Variants in ODAD4 observed in about 807,000 individuals in gnomAD.
ODAD4 encodes the protein outer dynein arm docking complex subunit 4, also known as outer dynein arm-docking complex subunit 4.
ODAD4 carries 49 observed loss-of-function variants against 51.8 expected under a neutral mutation model. The ratio of observed to expected loss-of-function variants is 0.95; its 90% CI spans 0.75 to 1.20. The LOEUF (loss-of-function observed/expected upper bound fraction) is 1.20. ODAD4 is among the 50% of genes most tolerant of loss of function. ODAD4 has a pLI of 0.00. For synonymous variants in ODAD4, 235 were observed against 221.3 expected, an observed-to-expected ratio of 1.06 and a Z score of -0.55; for missense variants, 590 against 586.5, an observed-to-expected ratio of 1.01 and a Z score of -0.06.
intron 7 of ODAD4, among the ~76,000 whole-genome samples, chr17:41,944,435 CACACACA>C (rs1351478452): frequency 0.016 from 73 of 4,452 alleles, 1 homozygote; most frequent in Middle Eastern, 0.071. Context: ...CACACACACA[CACACACA>C]CACCCCCCCG....
chr17:41,958,299 T>C (rs1300352027), intron 10 of ODAD4, among the ~76,000 whole-genome samples: 1 of 152,134 alleles, frequency 6.6e-6, no homozygotes, highest in African/African-American at 2.4e-5. Flanking sequence ...AAGTCCACGT[T>C]GTGCACTTGT....
rs1555637835 is a variant in ODAD4, at chr17:41,936,546, G to A, written c.459+12G>A. 15 of 1,610,410 alleles carry A rather than the reference G, an allele frequency of 9.3e-6. No individual in the cohort carries two copies. Among genetic ancestry groups the A allele is most frequent in the East Asian group, 4.5e-5 (2 of 44,868 alleles). On this transcript the variant is annotated intron_variant, in intron 4 of 11. Coordinates refer to ENST00000377540, the MANE Select transcript of ODAD4 (RefSeq NM_031421.5). ...GCAAGCAGGCTGAGGTAAGGGCCCT[G>A]GTTCTGTGGTTGTATCCCTCCAAGG... is the stretch of plus-strand genomic sequence containing the variant.
At chr17:41,948,321 C>CT (rs1259244820) in intron 8 of ODAD4, among the ~76,000 whole-genome samples, 118,015 of 139,266 alleles carry the variant, frequency 0.85, 50,770 homozygotes, top group East Asian at 0.99. Flanking sequence ...TCTTTCTTTC[C>CT]TTTTTTTTTT....
At chr17:41,952,584 G>GAAAA in intron 9 of ODAD4, 1 of 214,224 alleles carries the variant, frequency 4.7e-6, no homozygotes, top group Non-Finnish European at 9.3e-6. Flanking sequence ...AAGAATGAAA[G>GAAAA]AATAATCCTG....
chr17:41,950,656 G>A (rs2050640244), intron 9 of ODAD4, among the ~76,000 whole-genome samples: 1 of 151,858 alleles, frequency 6.6e-6, no homozygotes, highest in African/African-American at 2.4e-5. Context: ...GATTACAGGT[G>A]TGAGCCACTG....
chr17:41,957,268 C>T (rs1427497709), intron 10 of ODAD4, among the ~76,000 whole-genome samples: 3 of 152,128 alleles, frequency 2.0e-5, no homozygotes, highest in Non-Finnish European at 2.9e-5. Flanking sequence ...GACAGTTTTT[C>T]CATGGACCGG....
Position 41,930,881 on chromosome 17 carries a change from C to CTTTTTTTTTT in ODAD4, c.114+64_114+73dup, listed in dbSNP as rs782820445. The CTTTTTTTTTT allele has an allele frequency of 1.5e-3, 146 of 97,228 alleles. 11 individuals are homozygous for CTTTTTTTTTT. The highest frequency in any genetic ancestry group is 3.4e-3 in the South Asian group (47 of 13,788). 6.0% of individuals were successfully genotyped at this position (97,228 alleles called of 1,614,324 possible). ...CTATCCATCACCCCATCACCCGTCA[C>CTTTTTTTTTT]TTTTTTTTTTTTTTTTTTTTTTTTT... On this transcript the variant is annotated intron_variant, in intron 1 of 11. Transcript: ENST00000377540.
intron 7 of ODAD4, 131 bp from the exon 8 acceptor site, chr17:41,945,005 G>T: frequency 1.5e-6 from 1 of 679,642 alleles, no homozygotes. Flanking sequence ...TTGCTGGGCT[G>T]GACATTGTCC....
Position 41,938,526 on chromosome 17 carries a change from C to G in ODAD4, c.626-31C>G, listed in dbSNP as rs559801424. Reference sequence around the variant, plus strand: ...GCAAATCCCTTAGAGGCCTGTTCTCCTTGGCGCCTCCTCACACCCCTTCCC... The same window carrying G: ...GCAAATCCCTTAGAGGCCTGTTCTCGTTGGCGCCTCCTCACACCCCTTCCC... On this transcript the variant is annotated intron_variant, in intron 5 of 11. Coordinates refer to ENST00000377540, the MANE Select transcript of ODAD4 (RefSeq NM_031421.5). 3.1e-6 allele frequency: 5 copies of G among 1,593,366 alleles called. No individual in the cohort carries two copies. The South Asian group carries it at 5.5e-5, about 18-fold the overall frequency.
intron 7 of ODAD4, among the ~76,000 whole-genome samples, chr17:41,940,152 G>A (rs1471325847): frequency 1.3e-5 from 2 of 152,058 alleles, no homozygotes; most frequent in Admixed American, 6.5e-5. Context: ...TCACCAGTCT[G>A]AGCCTCCTTG....
chr17:41,935,749 A>T lies in ODAD4; in HGVS notation c.397A>T (p.Ser133Cys). 6.2e-7 allele frequency: 1 copy of T among 1,613,922 alleles called. No homozygotes were observed. The highest frequency in any genetic ancestry group is 1.7e-5 in the Admixed American group (1 of 60,014). ...AQEAINNSVG[S>C]PSSIKLENKG... is the part of the protein sequence containing the mutation. ...GGAAGCCATCAACAACTCAGTGGGA[A>T]GTGAGTGACCACAGGGCCTATGCCC... Residue 133 changes from serine to cysteine, a missense_variant and splice_region_variant, in exon 3 of 12, where the codon AGT becomes TGT. By Grantham distance (112) the Ser-to-Cys change is moderately radical. Coordinates refer to ENST00000377540, the MANE Select transcript of ODAD4 (RefSeq NM_031421.5).
Position 41,955,276 on chromosome 17 carries a change from A to G in ODAD4, c.1402A>G (p.Lys468Glu). 1.3e-6 allele frequency: 1 copy of G among 780,104 alleles called. No homozygotes were observed. Among genetic ancestry groups the G allele is most frequent in the South Asian group, 1.3e-5 (1 of 74,424 alleles). The allele number at this position is 780,104 out of a possible 1,614,324, so 48.3% of individuals were successfully genotyped here. ...TTTTGAGAAGGCCCTGGAGAGAGCA[A>G]AGCTTGTGCATAACAACGAGGCGCA... ...NNFEKALERA[K>E]LVHNNEAQQA... Residue 468 changes from lysine (K) to glutamate (E), a missense_variant, in exon 10 of 12, where the codon AAG (lysine) becomes GAG (glutamate). By Grantham distance (56) the Lys-to-Glu change is moderately conservative (BLOSUM62 1). This residue lies in a region of ODAD4 where 226 missense variants were observed against 162.7 expected (regional missense o/e 1.39). Coordinates refer to ENST00000377540, the MANE Select transcript of ODAD4 (RefSeq NM_031421.5).
chr17:41,947,390 C>A (rs1009029364), intron 8 of ODAD4, among the ~76,000 whole-genome samples: 2 of 151,660 alleles, frequency 1.3e-5, no homozygotes, highest in African/African-American at 4.8e-5. Context: ...GAGGCTGAGG[C>A]AGGAGAATTG....
At chr17:41,953,635 CT>C (rs1422437917) in intron 9 of ODAD4, among the ~76,000 whole-genome samples, 2 of 151,306 alleles carry the variant, frequency 1.3e-5, no homozygotes, top group African/African-American at 4.9e-5. Context: ...TGGTGAGACC[CT>C]GTCTCTATTA....
chr17:41,960,396 T>C (rs959412466), intron 10 of ODAD4, among the ~76,000 whole-genome samples: 2 of 152,100 alleles, frequency 1.3e-5, no homozygotes, highest in Admixed American at 6.5e-5. Context: ...TGCAGTGAGC[T>C]GAGATCGTGC....
intron 11 of ODAD4, among the ~76,000 whole-genome samples, chr17:41,964,423 G>A (rs920503015): frequency 1.3e-5 from 2 of 152,226 alleles, no homozygotes; most frequent in Middle Eastern, 3.4e-3. Context: ...ACGGCAGTGC[G>A]CATTTTCATG....
Position 41,965,738 on chromosome 17 carries a change from G to A in ODAD4, c.*255G>A. On this transcript the variant is annotated 3_prime_UTR_variant, in exon 12 of 12. Coordinates refer to ENST00000377540, the MANE Select transcript of ODAD4 (RefSeq NM_031421.5). ...AATGAGAAAGGTGCCAAGAAGAAAG[G>A]GTTTCAGGAGGGTGAAGATACGGGC... 1 of 344,010 alleles carries A rather than the reference G, an allele frequency of 2.9e-6. No individual in the cohort carries two copies. The highest frequency in any genetic ancestry group is 5.2e-6 in the Non-Finnish European group (1 of 194,120). The allele number at this position is 344,010 out of a possible 1,614,324, so 21.3% of individuals were successfully genotyped here.
rs10578034 is a variant in ODAD4 at position 41,944,444 on chromosome 17, ACCC to A, written c.1059-687_1059-685del. On this transcript the variant is annotated intron_variant, in intron 7 of 11. Coordinates refer to ENST00000377540, the MANE Select transcript of ODAD4 (RefSeq NM_031421.5). ...CACACACACACACACACACACACAC[ACCC>A]CCCCGCATACACAGAAATTGCCTTT... is the stretch of plus-strand genomic sequence containing the variant. Among the ~76,000 whole-genome samples the A allele has an allele frequency of 9.2e-4, 18 of 19,540 alleles. 1 individual carries two copies. Among genetic ancestry groups the A allele is most frequent in the African/African-American group, 1.6e-3 (12 of 7,334 alleles). The allele number at this position is 19,540 out of a possible 152,430, so 12.8% of individuals were successfully genotyped here.
In ODAD4 at chr17:41,944,444, A is replaced by ACACACACACC. The variant is rs1191101800; in HGVS notation, c.1059-691_1059-690insACACACACCC. On this transcript the variant is annotated intron_variant, in intron 7 of 11. Coordinates refer to ENST00000377540, the MANE Select transcript of ODAD4 (RefSeq NM_031421.5). Reference sequence around the variant, plus strand: ...CACACACACACACACACACACACACACCCCCCCGCATACACAGAAATTGCC... The same window carrying ACACACACACC: ...CACACACACACACACACACACACACACACACACACCCCCCCCCGCATACACAGAAATTGCC... Among the ~76,000 whole-genome samples the ACACACACACC allele has an allele frequency of 8.0e-3, 155 of 19,486 alleles. 3 individuals are homozygous for ACACACACACC. Among genetic ancestry groups the ACACACACACC allele is most frequent in the Non-Finnish European group, 0.013 (108 of 8,194 alleles). 12.8% of individuals were successfully genotyped at this position (19,486 alleles called of 152,430 possible). A position where few individuals can be genotyped will look rare whatever the true frequency, so the allele number is the denominator to read the frequency against.
Sources: allele counts gnomAD v4.1 joint callset (sites outside exome capture counted in the v4.1 genomes callset), GRCh38; gene constraint gnomAD v4.1.1; regional missense constraint gnomAD v4.1.1; transcripts MANE v1.5; gene names NCBI Gene and HGNC (gene_info 2026-07-23, HGNC 2026-07-21).